The following ZNF333 variants were observed in gnomAD, a reference collection of about 807,000 sequenced individuals.
The protein encoded by ZNF333 is zinc finger protein 333.
In ZNF333, 61 loss-of-function variants were observed where a neutral mutation model predicts 76.1. The observed-to-expected ratio is 0.80, with a 90% CI of 0.65 to 0.99. ZNF333 has a LOEUF of 0.99. ZNF333 is among the 50% of genes least tolerant of loss of function. The pLI, the probability that ZNF333 is intolerant of heterozygous loss-of-function variation, is 0.00. For missense variants in ZNF333, 717 were observed against 822.4 expected (o/e 0.87, Z 1.57); for synonymous variants, 284 against 305.0 (o/e 0.93, Z 0.72).
chr19:14,696,900 G>A (rs1405373964), intron 4 of ZNF333, among the ~76,000 whole-genome samples: 2 of 151,810 alleles, frequency 1.3e-5, no homozygotes, highest in African/African-American at 2.4e-5. Flanking sequence ...CACCACACCC[G>A]GCTAATTTTT....
At chr19:14,713,671 G>A (rs567837322) in intron 7 of ZNF333, among the ~76,000 whole-genome samples, 18 of 152,124 alleles carry the variant, frequency 1.2e-4, no homozygotes, top group African/African-American at 4.3e-4. Flanking sequence ...CAAGAAGGAG[G>A]GATTGGCTAG....
At chr19:14,717,314 T>G in intron 10 of ZNF333, 1 of 543,260 alleles carries the variant, frequency 1.8e-6, no homozygotes. Context: ...CTCTTCATAT[T>G]TAATATTTCC....
At chr19:14,723,104 G>A (rs901875401), downstream of ZNF333, among the ~76,000 whole-genome samples, 1 of 152,126 alleles carries the variant, frequency 6.6e-6, no homozygotes, top group Non-Finnish European at 1.5e-5. Context: ...TTTTATATAT[G>A]GAGTAAGAAA....
downstream of ZNF333, among the ~76,000 whole-genome samples, chr19:14,722,101 C>T (rs552389071): frequency 4.6e-5 from 7 of 152,286 alleles, no homozygotes; most frequent in East Asian, 5.8e-4. Flanking sequence ...GGTACTGTCA[C>T]GCAAATTAAT....
At chr19:14,731,217 T>A in exon 12 of ZNF333, 3 of 1,531,616 alleles carry the variant, frequency 2.0e-6, no homozygotes, top group Non-Finnish European at 2.6e-6. Context: ...CAGTACTCTC[T>A]TGCATGTTCA....
chr19:14,718,601 G>T lies in ZNF333; in HGVS notation c.1274G>T (p.Ser425Ile). The part of the protein sequence containing the change: ...THTGEKPFEC[S>I]QCGKTFTRNF... ...ACCGGAGAGAAGCCATTTGAATGTAGTCAGTGTGGGAAAACCTTCACGAGG... is the reference window on the plus strand; with the variant it reads ...ACCGGAGAGAAGCCATTTGAATGTATTCAGTGTGGGAAAACCTTCACGAGG... The change falls in exon 12 of 12, where the codon AGT (serine) becomes ATT (isoleucine). Residue 425 changes from serine to isoleucine, a missense_variant. Coordinates refer to ENST00000292530, the MANE Select transcript of ZNF333 (RefSeq NM_032433.4). The T allele has an allele frequency of 2.5e-6, 4 of 1,613,786 alleles. No individual in the cohort carries two copies. Among genetic ancestry groups the T allele is most frequent in the South Asian group, 1.1e-5 (1 of 91,054 alleles).
chr19:14,717,850 C>G, intron 11 of ZNF333, 117 bp downstream of exon 11: 3 of 944,588 alleles, frequency 3.2e-6, no homozygotes, highest in Non-Finnish European at 4.8e-6. Context: ...AGTGTTTACC[C>G]AGAAGGAAGC....
In ZNF333 at chr19:14,718,645, C is replaced by T. The variant is rs1486967463; in HGVS notation, c.1318C>T (p.His440Tyr). ...TFTRNFNLIL[H>Y]QRNHTGEKPY... ...CACGAGGAACTTTAACCTGATTTTG[C>T]ACCAGAGAAACCACACAGGAGAGAA... The change falls in exon 12 of 12, where the codon CAC becomes TAC. Residue 440 changes from histidine to tyrosine, a missense_variant. By Grantham distance (83) the His-to-Tyr change is moderately conservative (BLOSUM62 2). Transcript: ENST00000292530. 6.2e-7 allele frequency: 1 copy of T among 1,613,808 alleles called. No individual in the cohort carries two copies. The highest frequency in any genetic ancestry group is 8.5e-7 in the Non-Finnish European group (1 of 1,180,028).
At position 14,719,207 on chromosome 19, in the gene ZNF333, T is replaced by G; in HGVS notation, c.1880T>G (p.Phe627Cys). 6.2e-7 allele frequency: 1 copy of G among 1,614,216 alleles called. No homozygotes were observed. Among genetic ancestry groups the G allele is most frequent in the Non-Finnish European group, 8.5e-7 (1 of 1,180,042 alleles). The change falls in exon 12 of 12, where the codon TTC (phenylalanine) becomes TGC (cysteine). Residue 627 changes from phenylalanine (F) to cysteine (C), a missense_variant. Phe to Cys is a radical substitution (Grantham distance 205, BLOSUM62 -2). Coordinates refer to ENST00000292530, the MANE Select transcript of ZNF333 (RefSeq NM_032433.4). ...CAATGTAATCAGTGTGAGAAAGCCT[T>G]CAGGCACAGCTCCTCACTCACTGTA... The part of the protein sequence containing the change: ...PYQCNQCEKA[F>C]RHSSSLTVHK...
intron 1 of ZNF333, among the ~76,000 whole-genome samples, chr19:14,692,440 G>C (rs1972842815): frequency 6.6e-6 from 1 of 152,174 alleles, no homozygotes; most frequent in Non-Finnish European, 1.5e-5. Flanking sequence ...AGAAAATAAA[G>C]TACTGAATGG....
Position 14,718,560 on chromosome 19 carries a change from A to G in ZNF333, c.1233A>G (p.Arg411=). The change falls in exon 12 of 12, where the codon CGA becomes CGG. Residue 411 remains arginine (R), a synonymous_variant. Coordinates refer to ENST00000292530, the MANE Select transcript of ZNF333 (RefSeq NM_032433.4). Reference sequence around the variant, plus strand: ...TCAAATATTCCTCGAATCTCCGGCGACACATGAGAACCCATACCGGAGAGA... The same window carrying G: ...TCAAATATTCCTCGAATCTCCGGCGGCACATGAGAACCCATACCGGAGAGA... ...QAFKYSSNLR[R]HMRTHTGEKP... is the part of the protein sequence containing the mutation. The G allele has an allele frequency of 6.2e-7, 1 of 1,614,204 alleles. No individual in the cohort carries two copies. Among genetic ancestry groups the G allele is most frequent in the South Asian group, 1.1e-5 (1 of 91,082 alleles).
intron 5 of ZNF333, chr19:14,701,812 T>C (rs1386608425): frequency 2.0e-6 from 2 of 985,202 alleles, no homozygotes; most frequent in Non-Finnish European, 1.2e-6. Context: ...CTATTCTGAG[T>C]GGGCAGAGGA....
At chr19:14,710,703 G>A (rs546991627) in intron 7 of ZNF333, among the ~76,000 whole-genome samples, 41 of 152,306 alleles carry the variant, frequency 2.7e-4, no homozygotes, top group African/African-American at 8.2e-4. Flanking sequence ...GCTTGAACCC[G>A]GAAGGCGGAG....
At chr19:14,708,133 G>A (rs1433031035) in intron 7 of ZNF333, 1 of 390,462 alleles carries the variant, frequency 2.6e-6, no homozygotes, top group Non-Finnish European at 4.5e-6. Context: ...TCAGCCTCCC[G>A]AGTAGCTGGG....
At chr19:14,726,146 C>T (rs1387590621), downstream of ZNF333, among the ~76,000 whole-genome samples, 1 of 152,230 alleles carries the variant, frequency 6.6e-6, no homozygotes, top group Non-Finnish European at 1.5e-5. Context: ...CAGCTTGCAA[C>T]CTGCAGAGCT....
At position 14,721,835 on chromosome 19, in the gene ZNF333, T is replaced by C. The variant is rs1356401534; in HGVS notation, c.*2510T>C. 1 of 152,252 alleles carries C rather than the reference T, an allele frequency of 6.6e-6. No individual in the cohort carries two copies. The highest frequency in any genetic ancestry group is 6.5e-5 in the Admixed American group (1 of 15,280). The allele number at this position is 152,252 out of a possible 1,614,324, so 9.4% of individuals were successfully genotyped here. A position where few individuals can be genotyped will look rare whatever the true frequency, so the allele number is the denominator to read the frequency against. On this transcript the variant is annotated 3_prime_UTR_variant, in exon 12 of 12. Transcript: ENST00000292530. ...TTAGGTTGATTCCATATCTTGGCTATTGTGAATAATCCTGCAGGTTTTATT... is the reference window on the plus strand; with the variant it reads ...TTAGGTTGATTCCATATCTTGGCTACTGTGAATAATCCTGCAGGTTTTATT...
At chr19:14,694,047 C>T (rs994912229) in intron 2 of ZNF333, among the ~76,000 whole-genome samples, 3 of 151,036 alleles carry the variant, frequency 2.0e-5, no homozygotes, top group Admixed American at 2.0e-4. Flanking sequence ...GCCCCAGTCA[C>T]ATTGCCCAAG....
At chr19:14,731,183 C>G in exon 12 of ZNF333, 1 of 1,534,582 alleles carries the variant, frequency 6.5e-7, no homozygotes, top group Non-Finnish European at 8.7e-7. Flanking sequence ...AGCCACCCAA[C>G]TAATTTGGAA....
intron 4 of ZNF333, among the ~76,000 whole-genome samples, chr19:14,698,839 C>CAA: frequency 7.5e-6 from 1 of 133,216 alleles, no homozygotes; most frequent in South Asian, 2.4e-4. Flanking sequence ...GACTCTGTCT[C>CAA]AAAAAAAACA....
Sources: gnomAD v4.1 joint callset for allele counts (sites outside exome capture counted in the v4.1 genomes callset) on GRCh38, gnomAD v4.1.1 for gene constraint, MANE v1.5 for transcripts, NCBI Gene and HGNC (gene_info 2026-07-23, HGNC 2026-07-21) for gene names.